SLC26A5: variants seen among roughly 807,000 people sequenced by gnomAD.
SLC26A5 encodes the protein prestin.
A neutral mutation model predicts 81.0 loss-of-function variants in SLC26A5; 51 were observed. The ratio of observed to expected loss-of-function variants is 0.63; its 90% CI spans 0.50 to 0.80. The LOEUF (loss-of-function observed/expected upper bound fraction) is 0.80. Ranked by LOEUF, SLC26A5 falls within the 30% of genes least tolerant of loss-of-function variation. The pLI, the probability that SLC26A5 is intolerant of heterozygous loss-of-function variation, is 0.00. For missense variants in SLC26A5, 771 were observed against 905.8 expected, an observed-to-expected ratio of 0.85 and a Z score of 1.91; for synonymous variants, 325 against 332.8, an observed-to-expected ratio of 0.98 and a Z score of 0.25.
chr7:103,430,457 G>A (rs1426192047), intron 2 of SLC26A5, among the ~76,000 whole-genome samples: 1 of 152,170 alleles, frequency 6.6e-6, no homozygotes, highest in Non-Finnish European at 1.5e-5. Context: ...ATCTGTAAAT[G>A]GCAGCTGGGA....
intron 2 of SLC26A5, among the ~76,000 whole-genome samples, chr7:103,441,123 A>C (rs568793338): frequency 6.6e-6 from 1 of 152,152 alleles, no homozygotes; most frequent in Non-Finnish European, 1.5e-5. Flanking sequence ...TCGAGAAAGA[A>C]AAGAGAGAAA....
At chr7:103,399,305 C>T (rs564636154) in intron 8 of SLC26A5, among the ~76,000 whole-genome samples, 5 of 152,132 alleles carry the variant, frequency 3.3e-5, no homozygotes, top group African/African-American at 9.7e-5. Context: ...TTCTTTCCCA[C>T]GCAAAGGTGC....
chr7:103,358,662 T>C (rs1408367969), intron 19 of SLC26A5, among the ~76,000 whole-genome samples: 3 of 152,068 alleles, frequency 2.0e-5, no homozygotes, highest in Admixed American at 2.0e-4. Context: ...TATTCTTTCA[T>C]TTTTGTGTGT....
chr7:103,356,503 C>T (rs147241387), intron 19 of SLC26A5, among the ~76,000 whole-genome samples: 24 of 152,258 alleles, frequency 1.6e-4, no homozygotes, highest in African/African-American at 5.5e-4. Context: ...GTAAGATACG[C>T]AGTTTTCAAT....
intron 19 of SLC26A5, chr7:103,353,834 C>T (rs1187360953): frequency 1.2e-5 from 14 of 1,133,294 alleles, no homozygotes; most frequent in East Asian, 7.4e-5. Context: ...CAATTTGAAT[C>T]GAACAGAAAA....
intron 5 of SLC26A5, 121 bp downstream of exon 5, chr7:103,412,881 A>G (rs991459039): frequency 1.1e-5 from 8 of 751,376 alleles, no homozygotes; most frequent in Non-Finnish European, 1.9e-5. Flanking sequence ...CCTATTGTGT[A>G]TGCAGTAACA....
At chr7:103,365,451 G>C (rs754677726) in intron 19 of SLC26A5, among the ~76,000 whole-genome samples, 3 of 152,022 alleles carry the variant, frequency 2.0e-5, no homozygotes, top group Non-Finnish European at 4.4e-5. Flanking sequence ...GACCAACATG[G>C]AGAAACCCCG....
chr7:103,426,579 G>C (rs1186629963), intron 2 of SLC26A5, among the ~76,000 whole-genome samples: 3 of 152,196 alleles, frequency 2.0e-5, no homozygotes, highest in Non-Finnish European at 4.4e-5. Flanking sequence ...ATATTTTTGA[G>C]ATACTGGCAC....
At chr7:103,418,475 T>C (rs1825093017) in intron 4 of SLC26A5, among the ~76,000 whole-genome samples, 1 of 152,144 alleles carries the variant, frequency 6.6e-6, no homozygotes, top group South Asian at 2.1e-4. Flanking sequence ...CTGTTTCAGA[T>C]ACTGGGCCCT....
At chr7:103,439,733 C>T (rs1826733144) in intron 2 of SLC26A5, among the ~76,000 whole-genome samples, 1 of 152,120 alleles carries the variant, frequency 6.6e-6, no homozygotes, top group South Asian at 2.1e-4. Context: ...GGGATTTCAC[C>T]ATGTTGGTCA....
At chr7:103,371,401 T>A (rs1436067024), downstream of SLC26A5, among the ~76,000 whole-genome samples, 1 of 151,178 alleles carries the variant, frequency 6.6e-6, no homozygotes. Flanking sequence ...CTCGGCTCAC[T>A]GCAAGCTCCG....
Position 103,390,521 on chromosome 7 carries a change from A to C in SLC26A5, c.1234-15T>G. 1 of 1,612,268 alleles carries C rather than the reference A, an allele frequency of 6.2e-7. No individual in the cohort carries two copies. Among genetic ancestry groups the C allele is most frequent in the Non-Finnish European group, 8.5e-7 (1 of 1,178,278 alleles). ...CAACCTGCAAGCTGAATGAGAGAAGACACATGGAAGGGGCTTTTAGGAGAC... is the reference window on the plus strand; with the variant it reads ...CAACCTGCAAGCTGAATGAGAGAAGCCACATGGAAGGGGCTTTTAGGAGAC... On this transcript the variant is annotated splice_polypyrimidine_tract_variant and intron_variant, in intron 11 of 19. Transcript: ENST00000306312.
At chr7:103,357,326 CAA>C (rs762310758) in intron 19 of SLC26A5, among the ~76,000 whole-genome samples, 35 of 77,784 alleles carry the variant, frequency 4.5e-4, no homozygotes, top group Non-Finnish European at 5.5e-4. Context: ...TACTCTGTCT[CAA>C]AAAAAAAAAA....
Position 103,411,575 on chromosome 7 carries a change from C to A in SLC26A5, c.415G>T (p.Val139Phe), listed in dbSNP as rs754509890. The A allele has an allele frequency of 4.3e-6, 7 of 1,614,154 alleles. No individual in the cohort carries two copies. The highest frequency in any genetic ancestry group is 5.9e-6 in the Non-Finnish European group (7 of 1,180,018). Residue 139 changes from valine to phenylalanine, a missense_variant, in exon 6 of 20, where the codon GTT becomes TTT. By Grantham distance (50) the Val-to-Phe change is conservative (BLOSUM62 -1). Transcript: ENST00000306312. Reference sequence around the variant, plus strand: ...ACACCACCAATCATCAGGCTAATAACAGCAAAAGGACCTGAAATAATGAAG... The same window carrying A: ...ACACCACCAATCATCAGGCTAATAAAAGCAAAAGGACCTGAAATAATGAAG... ...SRHISIGPFA[V>F]ISLMIGGVAV...
chr7:103,445,879 C>G (rs1827270605), intron 1 of SLC26A5: 1 of 152,510 alleles, frequency 6.6e-6, no homozygotes, highest in Admixed American at 6.6e-5. Context: ...GAAAGAGCTT[C>G]GTGAGACTTT....
intron 19 of SLC26A5, among the ~76,000 whole-genome samples, chr7:103,357,627 G>T (rs1031138097): frequency 1.3e-5 from 2 of 152,044 alleles, no homozygotes; most frequent in Non-Finnish European, 2.9e-5. Context: ...ATGTAATTCT[G>T]TTATAATTTT....
At chr7:103,426,191 G>A (rs1376333125) in intron 2 of SLC26A5, among the ~76,000 whole-genome samples, 3 of 152,170 alleles carry the variant, frequency 2.0e-5, no homozygotes, top group African/African-American at 7.2e-5. Flanking sequence ...AGAGAGTTGT[G>A]CGGAGGTGGG....
chr7:103,393,567 C>CTG (rs10549297), intron 9 of SLC26A5, among the ~76,000 whole-genome samples: 1,793 of 147,854 alleles, frequency 0.012, 31 homozygotes, highest in African/African-American at 0.039. Context: ...CTACCTCTTC[C>CTG]TGTGTGTGTG....
chr7:103,393,042 G>A lies in SLC26A5; in HGVS notation c.996C>T (p.Asp332=). 6.2e-7 allele frequency: 1 copy of A among 1,614,022 alleles called. No homozygotes were observed. Among genetic ancestry groups the A allele is most frequent in the Non-Finnish European group, 8.5e-7 (1 of 1,179,880 alleles). ...PLGLLPPANP[D]TSLFHLVYVD... ...CGTACACAAGGTGGAAGAGGCTGGTGTCCGGATTGGCTGGAGGTAGCAGCC... is the reference window on the plus strand; with the variant it reads ...CGTACACAAGGTGGAAGAGGCTGGTATCCGGATTGGCTGGAGGTAGCAGCC... The change falls in exon 10 of 20, where the codon GAC becomes GAT. Residue 332 remains aspartate, a synonymous_variant. Transcript: ENST00000306312.
Sources: gnomAD v4.1 joint callset for allele counts (sites outside exome capture counted in the v4.1 genomes callset) on GRCh38, gnomAD v4.1.1 for gene constraint, MANE v1.5 for transcripts, NCBI Gene and HGNC (gene_info 2026-07-23, HGNC 2026-07-21) for gene names.